Variants in GTF2A1L observed in about 807,000 individuals in gnomAD.
The protein encoded by GTF2A1L is general transcription factor IIA subunit 1 like.
Under a neutral mutation model 49.7 loss-of-function variants are expected in GTF2A1L, and 48 were observed. The ratio of observed to expected loss-of-function variants is 0.97; its 90% CI spans 0.77 to 1.23. The LOEUF (loss-of-function observed/expected upper bound fraction) is 1.23, where lower values mean the gene tolerates loss of function less well. Among genes scored for constraint, GTF2A1L ranks in the 50% most tolerant of loss-of-function variants. GTF2A1L has a pLI of 0.00. For synonymous variants in GTF2A1L, 246 were observed against 193.5 expected (o/e 1.27, Z -2.25); for missense variants, 736 against 564.8 (o/e 1.30, Z -3.07).
chr2:48,675,928 T>C (rs1301967943), intron 8 of GTF2A1L, among the ~76,000 whole-genome samples: 1 of 151,844 alleles, frequency 6.6e-6, no homozygotes, highest in Non-Finnish European at 1.5e-5. Flanking sequence ...TTTGAATAGA[T>C]AGTGCATACA....
chr2:48,653,346 A>T (rs1472615825), intron 6 of GTF2A1L, among the ~76,000 whole-genome samples: 2 of 152,154 alleles, frequency 1.3e-5, no homozygotes, highest in South Asian at 2.1e-4. Context: ...ACATGAAGTT[A>T]TACAACCCTA....
chr2:48,642,456 TG>T lies in GTF2A1L; in HGVS notation c.303+1del. 1.3e-6 allele frequency: 2 copies of T among 1,581,350 alleles called. No homozygotes were observed. Among genetic ancestry groups the T allele is most frequent in the South Asian group, 1.2e-5 (1 of 84,860 alleles). ...CTTCCAAGTTTTACCACAGCAGAAC[TG>T]GTATGTAGCTTACTTAAAATATATT... The part of the protein sequence containing the change: ...RTLPSFTTAE[L>X]GTSNSSANFT... On this transcript the variant is annotated frameshift_variant and splice_region_variant, in exon 4 of 9. Transcript: ENST00000403751. LOFTEE classifies it high-confidence loss of function.
chr2:48,661,767 T>C (rs746122432), intron 6 of GTF2A1L, among the ~76,000 whole-genome samples: 13 of 152,208 alleles, frequency 8.5e-5, no homozygotes, highest in Non-Finnish European at 1.3e-4. Flanking sequence ...TATTTTTCCA[T>C]CTTTTCCCTT....
chr2:48,655,116 C>G (rs1312142396), intron 6 of GTF2A1L, among the ~76,000 whole-genome samples: 1 of 151,712 alleles, frequency 6.6e-6, no homozygotes, highest in Non-Finnish European at 1.5e-5. Flanking sequence ...ATTGAGTCTT[C>G]CAATTCATGG....
intron 3 of GTF2A1L, among the ~76,000 whole-genome samples, chr2:48,634,578 A>G (rs74613952): frequency 0.026 from 4,029 of 152,246 alleles, 157 homozygotes; most frequent in African/African-American, 0.09. Flanking sequence ...GAGCTCTTGT[A>G]ATGGTGGTCT....
chr2:48,672,263 G>A (rs142940402), intron 8 of GTF2A1L, among the ~76,000 whole-genome samples: 211 of 152,308 alleles, frequency 1.4e-3, no homozygotes, highest in Non-Finnish European at 2.5e-3. Flanking sequence ...ATGTACAAGG[G>A]ACACTGAAGA....
intron 6 of GTF2A1L, among the ~76,000 whole-genome samples, chr2:48,665,932 C>T (rs1307825530): frequency 6.6e-6 from 1 of 151,876 alleles, no homozygotes; most frequent in African/African-American, 2.4e-5. Flanking sequence ...TTAGATTTGT[C>T]TATTTTTTAT....
intron 1 of GTF2A1L, 49 bp from the exon 2 acceptor site, chr2:48,620,802 T>G (rs1675946229): frequency 9.9e-7 from 1 of 1,006,138 alleles, no homozygotes. Context: ...AATAAATAAA[T>G]AAATAAATAA....
Position 48,646,543 on chromosome 2 carries a change from A to C in GTF2A1L, c.479A>C (p.Gln160Pro). 6.2e-7 allele frequency: 1 copy of C among 1,614,188 alleles called. No homozygotes were observed. The highest frequency in any genetic ancestry group is 1.3e-5 in the African/African-American group (1 of 75,052). Reference sequence around the variant, plus strand: ...CAGCATCCAATTCAGCAAGTATTTCAACAGCTTGGCCAGCCTTCAGTAATA... The same window carrying C: ...CAGCATCCAATTCAGCAAGTATTTCCACAGCTTGGCCAGCCTTCAGTAATA... ...ILQHPIQQVF[Q>P]QLGQPSVIQT... The change falls in exon 6 of 9, where the codon CAA becomes CCA. Residue 160 changes from glutamine (Q) to proline (P), a missense_variant. By Grantham distance (76) the Gln-to-Pro change is moderately conservative (BLOSUM62 -1). Coordinates refer to ENST00000403751, the MANE Select transcript of GTF2A1L (RefSeq NM_006872.5).
chr2:48,625,622 A>G (rs1676250034), intron 3 of GTF2A1L, among the ~76,000 whole-genome samples: 1 of 142,478 alleles, frequency 7.0e-6, no homozygotes, highest in Admixed American at 7.2e-5. Context: ...TTGCTCTGTC[A>G]TCCATGCTGG....
chr2:48,638,220 G>A (rs1171349134), intron 3 of GTF2A1L, among the ~76,000 whole-genome samples: 1 of 152,122 alleles, frequency 6.6e-6, no homozygotes, highest in African/African-American at 2.4e-5. Context: ...CTCCTCCCCA[G>A]CTAATTCTGT....
At chr2:48,633,140 G>T (rs1184718578) in intron 3 of GTF2A1L, 2 of 262,196 alleles carry the variant, frequency 7.6e-6, no homozygotes, top group East Asian at 1.1e-4. Context: ...GATGGTTCAT[G>T]ACAGTATCAA....
intron 8 of GTF2A1L, among the ~76,000 whole-genome samples, chr2:48,672,440 A>G (rs925329429): frequency 1.6e-4 from 25 of 152,162 alleles, no homozygotes; most frequent in Non-Finnish European, 2.1e-4. Context: ...TATTGAGAAA[A>G]TTGTAATTGG....
chr2:48,669,153 A>T (rs1022581700), intron 6 of GTF2A1L, among the ~76,000 whole-genome samples: 1 of 152,250 alleles, frequency 6.6e-6, no homozygotes, highest in East Asian at 1.9e-4. Context: ...TCTCAAACAG[A>T]AACTCTGTAC....
chr2:48,619,005 TTAG>T (rs1675822409), intron 1 of GTF2A1L, among the ~76,000 whole-genome samples: 2 of 152,240 alleles, frequency 1.3e-5, no homozygotes, highest in Admixed American at 6.5e-5. Context: ...AAGCATCAAT[TTAG>T]TATGCCTTTA....
intron 3 of GTF2A1L, among the ~76,000 whole-genome samples, chr2:48,637,083 G>A (rs1345933660): frequency 6.6e-6 from 1 of 152,286 alleles, no homozygotes; most frequent in South Asian, 2.1e-4. Flanking sequence ...CAGCAATGTG[G>A]TTGGTTCTTT....
At chr2:48,655,944 G>A (rs963532417) in intron 6 of GTF2A1L, among the ~76,000 whole-genome samples, 8 of 152,120 alleles carry the variant, frequency 5.3e-5, no homozygotes, top group Admixed American at 2.0e-4. Context: ...GAATCAGACA[G>A]TACTTGCCCT....
intron 3 of GTF2A1L, among the ~76,000 whole-genome samples, chr2:48,634,820 C>G (rs1676794416): frequency 6.6e-6 from 1 of 152,138 alleles, no homozygotes; most frequent in African/African-American, 2.4e-5. Context: ...CTCTAGCTGC[C>G]TCTAAGATTT....
intron 6 of GTF2A1L, among the ~76,000 whole-genome samples, chr2:48,658,983 AT>A (rs888433363): frequency 6.6e-6 from 1 of 152,044 alleles, no homozygotes; most frequent in Non-Finnish European, 1.5e-5. Context: ...GTTGGTTGGA[AT>A]TTCTTTCCTT....
Sources: allele counts gnomAD v4.1 joint callset (sites outside exome capture counted in the v4.1 genomes callset), GRCh38; gene constraint gnomAD v4.1.1; transcripts MANE v1.5; gene names NCBI Gene and HGNC (gene_info 2026-07-23, HGNC 2026-07-21).